The following CEP63 variants were observed in gnomAD, a reference collection of about 807,000 sequenced individuals.
CEP63 encodes the protein centrosomal protein of 63 kDa.
In CEP63, 84 loss-of-function variants were observed where a neutral mutation model predicts 89.1. That is an observed-to-expected ratio of 0.94 (90% confidence interval 0.79 to 1.13). CEP63 has a LOEUF of 1.13. Ranked by LOEUF, CEP63 falls within the 50% of genes most tolerant of loss-of-function variation. The probability of loss-of-function intolerance (pLI) is 0.00; values close to 1 mark genes in which losing one functional copy is unlikely to be tolerated. For missense variants in CEP63, 838 were observed against 813.3 expected (o/e 1.03, Z -0.37); for synonymous variants, 267 against 272.5 (o/e 0.98, Z 0.20).
rs186476644 is a variant in CEP63 at position 134,490,583 on chromosome 3, T to G, written c.-26+4381T>G. Reference sequence around the variant, plus strand: ...TTGATTTATTTTATTTTGTTTCCAATTTTTCAGTACTGCTTTTTTCCCCAT... The same window carrying G: ...TTGATTTATTTTATTTTGTTTCCAAGTTTTCAGTACTGCTTTTTTCCCCAT... On this transcript the variant is annotated intron_variant, in intron 1 of 14. Transcript: ENST00000675561. Among the ~76,000 whole-genome samples, 258 of 152,312 alleles carry G rather than the reference T, an allele frequency of 1.7e-3. 4 individuals carry two copies. The highest frequency in any genetic ancestry group is 2.8e-4 in the Non-Finnish European group (19 of 68,008).
At chr3:134,654,690 C>T in the CEP63 span, among the ~76,000 whole-genome samples, 2 of 152,312 alleles carry the variant, frequency 1.3e-5, no homozygotes, top group Non-Finnish European at 2.9e-5. Context: ...ATGATTTCTG[C>T]CTGGAAAACC....
chr3:134,744,226 C>T, the CEP63 span, among the ~76,000 whole-genome samples: 1 of 152,000 alleles, frequency 6.6e-6, no homozygotes, highest in Admixed American at 6.6e-5. Flanking sequence ...TATTAGGGCC[C>T]CTAGGTAAAA....
At chr3:134,698,618 C>A in the CEP63 span, among the ~76,000 whole-genome samples, 1 of 152,168 alleles carries the variant, frequency 6.6e-6, no homozygotes, top group Non-Finnish European at 1.5e-5. Context: ...GCTGCTAAAG[C>A]CTCACGCTCT....
At chr3:134,738,387 T>G in the CEP63 span, among the ~76,000 whole-genome samples, 21 of 152,340 alleles carry the variant, frequency 1.4e-4, 1 homozygote, top group African/African-American at 4.3e-4. Flanking sequence ...CGTGTGCAAG[T>G]ATCTTTTTTG....
At chr3:134,773,565 C>A in the CEP63 span, among the ~76,000 whole-genome samples, 20 of 152,320 alleles carry the variant, frequency 1.3e-4, no homozygotes, top group East Asian at 3.9e-3. Context: ...CCATGAACAT[C>A]ATTCTTAAAT....
the CEP63 span, chr3:134,629,448 A>G: frequency 5.2e-6 from 3 of 574,686 alleles, no homozygotes; most frequent in Non-Finnish European, 9.4e-6. Flanking sequence ...AGCTGGGTGT[A>G]GAGAAAAGAG....
At chr3:134,641,714 G>A in the CEP63 span, among the ~76,000 whole-genome samples, 3 of 151,986 alleles carry the variant, frequency 2.0e-5, no homozygotes, top group Admixed American at 6.6e-5. Flanking sequence ...ATACAACCCC[G>A]CACAGCCCCA....
chr3:134,737,728 C>T, the CEP63 span, among the ~76,000 whole-genome samples: 9 of 152,184 alleles, frequency 5.9e-5, no homozygotes, highest in Non-Finnish European at 1.2e-4. Context: ...TCATGTCTGG[C>T]ACCTTAGATT....
rs111524162 is a variant in CEP63, at chr3:134,549,211, A to G, written c.1182+35A>G. On this transcript the variant is annotated intron_variant, in intron 10 of 14. Transcript: ENST00000675561. ...TGCATACCTAGGATTGCAAAATTGT[A>G]TGTGTTTATGGACAAAGCTGTGGAT... is the stretch of plus-strand genomic sequence containing the variant. 1.9e-3 allele frequency: 2,467 copies of G among 1,274,966 alleles called. 38 individuals are homozygous for G. The African/African-American group carries it at 0.031, about 16-fold the overall frequency. 79.0% of individuals were successfully genotyped at this position (1,274,966 alleles called of 1,614,324 possible). A position where few individuals can be genotyped will look rare whatever the true frequency, so the allele number is the denominator to read the frequency against.
At position 134,490,969 on chromosome 3, in the gene CEP63, C is replaced by T. The variant is rs540131012; in HGVS notation, c.-25-4327C>T. 1.4e-3 allele frequency among the ~76,000 whole-genome samples: 211 copies of T among 152,234 alleles called. 1 individual carries two copies. The highest frequency in any genetic ancestry group is 4.9e-3 in the African/African-American group (203 of 41,552). On this transcript the variant is annotated intron_variant, in intron 1 of 14. Coordinates refer to ENST00000675561, the MANE Select transcript of CEP63 (RefSeq NM_001353108.3). ...TCCATTGGTGGATGAATATTTAATT[C>T]GTCCCCTCTTGATAGACACTTGTGT...
chr3:134,498,528 C>G (rs1940911499), intron 2 of CEP63, among the ~76,000 whole-genome samples: 1 of 152,142 alleles, frequency 6.6e-6, no homozygotes, highest in South Asian at 2.1e-4. Flanking sequence ...TTCCTCCTTT[C>G]CAATTTGGAT....
the CEP63 span, among the ~76,000 whole-genome samples, chr3:134,751,822 A>T: frequency 6.6e-6 from 1 of 152,138 alleles, no homozygotes; most frequent in African/African-American, 2.4e-5. Context: ...TTATTCAATA[A>T]TCCCAACAAC....
chr3:134,670,777 T>C, the CEP63 span, among the ~76,000 whole-genome samples: 4 of 152,210 alleles, frequency 2.6e-5, no homozygotes, highest in Non-Finnish European at 4.4e-5. Flanking sequence ...TGGGGAAATG[T>C]CTATGGCAGG....
the CEP63 span, among the ~76,000 whole-genome samples, chr3:134,754,221 C>T: frequency 3.2e-3 from 490 of 152,306 alleles, 2 homozygotes; most frequent in Middle Eastern, 0.01. Flanking sequence ...GGTGCCATAG[C>T]CTCAGGGACT....
At chr3:134,551,885 T>A (rs1409265492) in intron 11 of CEP63, 41 bp from the exon 12 acceptor site, 2 of 1,397,206 alleles carry the variant, frequency 1.4e-6, no homozygotes, top group African/African-American at 2.8e-5. Flanking sequence ...TGCATGTGAT[T>A]TACATGTTAT....
chr3:134,680,066 C>A, the CEP63 span, among the ~76,000 whole-genome samples: 1 of 152,144 alleles, frequency 6.6e-6, no homozygotes, highest in African/African-American at 2.4e-5. Context: ...GACACAGACA[C>A]ACACACACAC....
At chr3:134,679,924 T>C in the CEP63 span, among the ~76,000 whole-genome samples, 1 of 152,212 alleles carries the variant, frequency 6.6e-6, no homozygotes, top group Admixed American at 6.5e-5. Context: ...GGTGTTGCCA[T>C]GTTGCCCAGG....
chr3:134,574,932 A>G (rs1005346541), exon 12 of CEP63: 4 of 491,054 alleles, frequency 8.1e-6, no homozygotes, highest in Admixed American at 3.7e-5. Flanking sequence ...CAATTTGTCA[A>G]TGAAACAAGA....
the CEP63 span, among the ~76,000 whole-genome samples, chr3:134,705,823 A>G: frequency 3.3e-5 from 5 of 152,172 alleles, no homozygotes; most frequent in Admixed American, 2.6e-4. Flanking sequence ...TATAGATGGG[A>G]AGAGGTATGA....
Sources: allele counts gnomAD v4.1 joint callset (sites outside exome capture counted in the v4.1 genomes callset), GRCh38; gene constraint gnomAD v4.1.1; transcripts MANE v1.5; gene names NCBI Gene and HGNC (gene_info 2026-07-23, HGNC 2026-07-21).